Variants in ZNF462 observed in about 807,000 individuals in gnomAD.
The protein encoded by ZNF462 is zinc finger protein 462, also known as zinc finger PBX1-interacting protein.
A neutral mutation model predicts 201.9 loss-of-function variants in ZNF462; 10 were observed. The ratio of observed to expected loss-of-function variants is 0.05; its 90% CI spans 0.03 to 0.08. The LOEUF is 0.08. Ranked by LOEUF, ZNF462 falls within the 10% of genes least tolerant of loss-of-function variation. ZNF462 has a pLI of 1.00. For synonymous variants in ZNF462, 1,227 were observed against 1,193.3 expected (o/e 1.03, Z -0.58); for missense variants, 2,523 against 3,168.3 (o/e 0.80, Z 4.89).
At chr9:106,960,468 C>T (rs1455290005) in intron 7 of ZNF462, among the ~76,000 whole-genome samples, 1 of 152,066 alleles carries the variant, frequency 6.6e-6, no homozygotes, top group Non-Finnish European at 1.5e-5. Flanking sequence ...TATAAAGAGG[C>T]TTTTGTGCTC....
At position 107,008,990 on chromosome 9, in the gene ZNF462, G is replaced by T. The variant is rs1346152632; in HGVS notation, c.7190-555G>T. Reference sequence around the variant, plus strand: ...CAGATCTCATTCAGTGCACATAACCGCCCTGTAAGGTATTGATTATAATGT... The same window carrying T: ...CAGATCTCATTCAGTGCACATAACCTCCCTGTAAGGTATTGATTATAATGT... On this transcript the variant is annotated intron_variant, in intron 11 of 12. Transcript: ENST00000277225. The surrounding 1 kb of genome is among the most constrained non-coding windows in gnomAD (Gnocchi z 4.8). Among the ~76,000 whole-genome samples the T allele has an allele frequency of 6.6e-6, 1 of 152,108 alleles. No homozygotes were observed. Among genetic ancestry groups the T allele is most frequent in the African/African-American group, 2.4e-5 (1 of 41,420 alleles).
rs1827656066 is a variant in ZNF462 at position 106,872,879 on chromosome 9, A to G, written c.-31+9524A>G. 6.6e-6 allele frequency among the ~76,000 whole-genome samples: 1 copy of G among 152,232 alleles called. No homozygotes were observed. ...TTCCCTCGTGGACTGACTCATAGTT[A>G]ATACTGGACAACGGTTTTTATTTTT... On this transcript the variant is annotated intron_variant, in intron 1 of 12. Transcript: ENST00000277225. This position sits in a 1 kb window ranked among gnomAD's most constrained non-coding sequence, Gnocchi z 4.5.
intron 7 of ZNF462, among the ~76,000 whole-genome samples, chr9:106,945,489 A>G (rs1364240426): frequency 6.6e-6 from 1 of 152,054 alleles, no homozygotes; most frequent in Admixed American, 6.6e-5. Flanking sequence ...AGATTAAAAG[A>G]AAAAATGAGG....
At chr9:106,971,697 T>C (rs1229563061) in intron 7 of ZNF462, among the ~76,000 whole-genome samples, 1 of 152,160 alleles carries the variant, frequency 6.6e-6, no homozygotes, top group Non-Finnish European at 1.5e-5. Flanking sequence ...TAATTTATAA[T>C]ACTTGAAATT....
chr9:106,928,307 ATCCTCC>A lies in ZNF462; in HGVS notation c.4396_4401del (p.Ser1466_Ser1467del). 6.2e-7 allele frequency: 1 copy of A among 1,614,090 alleles called. No individual in the cohort carries two copies. Among genetic ancestry groups the A allele is most frequent in the Non-Finnish European group, 8.5e-7 (1 of 1,180,020 alleles). On this transcript the variant is annotated inframe_deletion, in exon 3 of 13. Coordinates refer to ENST00000277225, the MANE Select transcript of ZNF462 (RefSeq NM_021224.6). The surrounding 1 kb of genome is among the most constrained non-coding windows in gnomAD (Gnocchi z 9.3). Reference sequence around the variant, plus strand: ...AGCTAGCTTCAGCCAACCCCGCCATATCCTCCACCCCATACCAGTGCACGGTATGCC... The same window carrying A: ...AGCTAGCTTCAGCCAACCCCGCCATAACCCCATACCAGTGCACGGTATGCC...
intron 7 of ZNF462, among the ~76,000 whole-genome samples, chr9:106,953,591 G>A (rs1487278648): frequency 6.6e-6 from 1 of 152,004 alleles, no homozygotes; most frequent in Non-Finnish European, 1.5e-5. Context: ...TTTTTGCCAT[G>A]TTTCTCCTGC....
intron 1 of ZNF462, among the ~76,000 whole-genome samples, chr9:106,909,396 G>T (rs2131284424): frequency 6.6e-6 from 1 of 151,640 alleles, no homozygotes; most frequent in East Asian, 1.9e-4. Flanking sequence ...ATTTTATTTT[G>T]TAAGTATTAT....
In ZNF462 at chr9:106,919,221, G is replaced by A. The variant is rs577328876; in HGVS notation, c.-30-4133G>A. 6.6e-6 allele frequency among the ~76,000 whole-genome samples: 1 copy of A among 152,344 alleles called. No homozygotes were observed. The highest frequency in any genetic ancestry group is 2.1e-4 in the South Asian group (1 of 4,824). On this transcript the variant is annotated intron_variant, in intron 1 of 12. Coordinates refer to ENST00000277225, the MANE Select transcript of ZNF462 (RefSeq NM_021224.6). This position sits in a 1 kb window ranked among gnomAD's most constrained non-coding sequence, Gnocchi z 4.5. The stretch of plus-strand genomic sequence containing the variant: ...CTGGGCCCTCAAACTAAAGAGCAGT[G>A]TTTGCCAAGCTGACCTGGACCAAGT...
In ZNF462 at chr9:106,935,996, C is replaced by T. The variant is rs1222265843; in HGVS notation, c.6235+375C>T. Among the ~76,000 whole-genome samples the T allele has an allele frequency of 6.6e-6, 1 of 152,174 alleles. No individual in the cohort carries two copies. The highest frequency in any genetic ancestry group is 2.4e-5 in the African/African-American group (1 of 41,426). ...AGACTTTCCAGCTAAAATAAAGTTA[C>T]CAACTTAAGGAAGTTAGAAAGGGCA... On this transcript the variant is annotated intron_variant, in intron 6 of 12. Transcript: ENST00000277225. This position sits in a 1 kb window ranked among gnomAD's most constrained non-coding sequence, Gnocchi z 4.1.
chr9:106,881,216 G>T (rs994214917), intron 1 of ZNF462, among the ~76,000 whole-genome samples: 1 of 152,176 alleles, frequency 6.6e-6, no homozygotes, highest in African/African-American at 2.4e-5. Flanking sequence ...CAAACACTAG[G>T]CTTGGAGATT....
rs1422696616 is a variant in ZNF462, at chr9:107,007,511, G to GGGT, written c.7190-2031_7190-2029dup. ...TGGAGAAGCACGTATTCCTCTCAGA[G>GGGT]GGTGGGGGATTTACATGAGTAACTT... On this transcript the variant is annotated intron_variant, in intron 11 of 12. Transcript: ENST00000277225. 3.3e-5 allele frequency among the ~76,000 whole-genome samples: 5 copies of GGGT among 152,292 alleles called. No individual in the cohort carries two copies. The East Asian group carries it at 7.7e-4, about 24-fold the overall frequency.
intron 1 of ZNF462, among the ~76,000 whole-genome samples, chr9:106,899,755 C>T (rs959906628): frequency 6.6e-6 from 1 of 152,164 alleles, no homozygotes; most frequent in African/African-American, 2.4e-5. Context: ...TGCATAACAA[C>T]AGCTCATTCT....
At chr9:106,975,703 G>A (rs1035961908) in intron 9 of ZNF462, 3 of 152,228 alleles carry the variant, frequency 2.0e-5, no homozygotes, top group African/African-American at 7.2e-5. Flanking sequence ...GGGGCCATCA[G>A]CAGGGCTGCT....
At position 106,966,108 on chromosome 9, in the gene ZNF462, A is replaced by AT. The variant is rs1832057542; in HGVS notation, c.6428-5896dup. 2.0e-5 allele frequency among the ~76,000 whole-genome samples: 3 copies of AT among 152,214 alleles called. No homozygotes were observed. In the South Asian group the frequency reaches 6.2e-4, roughly 32 times the overall value. On this transcript the variant is annotated intron_variant, in intron 7 of 12. Coordinates refer to ENST00000277225, the MANE Select transcript of ZNF462 (RefSeq NM_021224.6). The surrounding 1 kb of genome is among the most constrained non-coding windows in gnomAD (Gnocchi z 4.4). ...GATAATATTCTGTTTCTAATGGCCCATGCTACCAACCATTAGTTGCTAAAT... is the reference window on the plus strand; with the variant it reads ...GATAATATTCTGTTTCTAATGGCCCATTGCTACCAACCATTAGTTGCTAAAT...
rs1830753382 is a variant in ZNF462 at position 106,939,067 on chromosome 9, C to T, written c.6387C>T (p.Ser2129=). Residue 2129 remains serine, a synonymous_variant, in exon 7 of 13, where the codon TCC becomes TCT. Transcript: ENST00000277225. ...SLLSSHSHHS[S]QKATPAEEVE... ...TCTCCTCACACTCCCACCACTCCTCCCAAAAAGCTACCCCGGCTGAAGAAG... is the reference window on the plus strand; with the variant it reads ...TCTCCTCACACTCCCACCACTCCTCTCAAAAAGCTACCCCGGCTGAAGAAG... The T allele has an allele frequency of 6.2e-7, 1 of 1,611,364 alleles. No individual in the cohort carries two copies. The highest frequency in any genetic ancestry group is 8.5e-7 in the Non-Finnish European group (1 of 1,179,074).
In ZNF462 at chr9:106,917,416, A is replaced by T. The variant is rs958858667; in HGVS notation, c.-30-5938A>T. 6.6e-6 allele frequency among the ~76,000 whole-genome samples: 1 copy of T among 152,228 alleles called. No homozygotes were observed. The highest frequency in any genetic ancestry group is 1.5e-5 in the Non-Finnish European group (1 of 68,038). On this transcript the variant is annotated intron_variant, in intron 1 of 12. Transcript: ENST00000277225. This position sits in a 1 kb window ranked among gnomAD's most constrained non-coding sequence, Gnocchi z 4.5. ...ATTGCCTGCTTCAGACTTTGTGCTT[A>T]TATACAAGGTCCCACAGATGGACCA...
rs1409820293 is a variant in ZNF462, at chr9:106,938,520, G to A, written c.6236-396G>A. On this transcript the variant is annotated intron_variant, in intron 6 of 12. Transcript: ENST00000277225. This position sits in a 1 kb window ranked among gnomAD's most constrained non-coding sequence, Gnocchi z 4.4. ...TAATAATTAAGCATGTTATTTTCTG[G>A]GACTGACAAAAAGGCCACCTTGAAT... 1.3e-5 allele frequency among the ~76,000 whole-genome samples: 2 copies of A among 152,228 alleles called. No homozygotes were observed. Among genetic ancestry groups the A allele is most frequent in the African/African-American group, 2.4e-5 (1 of 41,532 alleles).
chr9:106,860,704 C>T (rs951561975), upstream of ZNF462, among the ~76,000 whole-genome samples: 12 of 152,166 alleles, frequency 7.9e-5, no homozygotes, highest in Admixed American at 7.2e-4. This position sits in a 1 kb window ranked among gnomAD's most constrained non-coding sequence, Gnocchi z 7.1. Flanking sequence ...AATTATCAGC[C>T]GGGACAGTGG....
chr9:106,900,262 G>T (rs918833412), intron 1 of ZNF462, among the ~76,000 whole-genome samples: 1 of 142,224 alleles, frequency 7.0e-6, no homozygotes, highest in African/African-American at 2.6e-5. Flanking sequence ...GTATCTCACA[G>T]TTTTTTAATC....
Sources: allele counts gnomAD v4.1 joint callset (sites outside exome capture counted in the v4.1 genomes callset), GRCh38; gene constraint gnomAD v4.1.1; non-coding constraint Gnocchi (gnomAD v3.1); transcripts MANE v1.5; gene names NCBI Gene and HGNC (gene_info 2026-07-23, HGNC 2026-07-21).